The following BRF1 variants were observed in gnomAD, a reference collection of about 807,000 sequenced individuals.
BRF1 encodes transcription factor IIIB 90 kDa subunit.
A neutral mutation model predicts 81.7 loss-of-function variants in BRF1; 59 were observed. The ratio of observed to expected loss-of-function variants is 0.72; its 90% CI spans 0.59 to 0.90. The LOEUF is 0.90. Among genes scored for constraint, BRF1 ranks in the 40% least tolerant of loss-of-function variants. BRF1 has a pLI of 0.00. For synonymous variants in BRF1, 491 were observed against 395.6 expected (o/e 1.24, Z -2.86); for missense variants, 1,050 against 936.3 (o/e 1.12, Z -1.58).
At chr14:105,254,719 G>A (rs1566840564) in intron 4 of BRF1, among the ~76,000 whole-genome samples, 2 of 151,968 alleles carry the variant, frequency 1.3e-5, no homozygotes, top group Admixed American at 6.6e-5. Context: ...CCGCCACAAC[G>A]CTCAGCTAAT....
intron 1 of BRF1, among the ~76,000 whole-genome samples, chr14:105,312,755 A>G (rs1345409252): frequency 4.6e-5 from 7 of 152,226 alleles, no homozygotes; most frequent in Non-Finnish European, 7.3e-5. Context: ...GCACTTGGAA[A>G]ATACAGAAGA....
At chr14:105,288,169 G>C (rs1484749692) in intron 1 of BRF1, among the ~76,000 whole-genome samples, 1 of 152,226 alleles carries the variant, frequency 6.6e-6, no homozygotes, top group Non-Finnish European at 1.5e-5. Context: ...AGAAGCTGTA[G>C]AAGGTCCGGG....
In BRF1 at chr14:105,300,763, G is replaced by A; in HGVS notation, c.-134C>T. On this transcript the variant is annotated 5_prime_UTR_variant, in exon 1 of 18. Coordinates refer to ENST00000547530, the MANE Select transcript of BRF1 (RefSeq NM_001519.4). ...GCTCTCGCGAGGCCCCGCTCCAGCCGATTCGCAGCCGCAGATTCGCCGCGC... is the reference window on the plus strand; with the variant it reads ...GCTCTCGCGAGGCCCCGCTCCAGCCAATTCGCAGCCGCAGATTCGCCGCGC... The A allele has an allele frequency of 1.5e-6, 1 of 663,332 alleles. No individual in the cohort carries two copies. Among genetic ancestry groups the A allele is most frequent in the Middle Eastern group, 5.5e-4 (1 of 1,808 alleles). The allele number at this position is 663,332 out of a possible 1,614,324, so 41.1% of individuals were successfully genotyped here.
chr14:105,246,356 G>C (rs1407399204), intron 5 of BRF1, among the ~76,000 whole-genome samples: 1 of 151,974 alleles, frequency 6.6e-6, no homozygotes. Context: ...ACTACCTCAT[G>C]TCCATTAGGA....
At chr14:105,298,332 T>C (rs2057824671) in intron 1 of BRF1, among the ~76,000 whole-genome samples, 1 of 152,106 alleles carries the variant, frequency 6.6e-6, no homozygotes, top group African/African-American at 2.4e-5. Flanking sequence ...TTCAGGACAA[T>C]ATAACAGGTA....
Position 105,210,260 on chromosome 14 carries a change from G to T in BRF1, c.*291C>A. ...TAATAGTAGCAACACCACACTGCCA[G>T]CCTTGGAGGGTCCTTGGATGAGTCG... On this transcript the variant is annotated 3_prime_UTR_variant, in exon 18 of 18. Coordinates refer to ENST00000547530, the MANE Select transcript of BRF1 (RefSeq NM_001519.4). This position sits in a 1 kb window ranked among gnomAD's most constrained non-coding sequence, Gnocchi z 4.7. The T allele has an allele frequency of 6.4e-6, 3 of 465,904 alleles. No homozygotes were observed. The Admixed American group carries it at 1.1e-4, about 16-fold the overall frequency. The allele number at this position is 465,904 out of a possible 1,614,324, so 28.9% of individuals were successfully genotyped here.
rs146828004 is a variant in BRF1 at position 105,291,989 on chromosome 14, A to G, written c.185-5613T>C. Reference sequence around the variant, plus strand: ...CTCCAGCCTGGGCAACAAGAGAGACACTCCATCTCAAAAAGAAAAAAAAAG... The same window carrying G: ...CTCCAGCCTGGGCAACAAGAGAGACGCTCCATCTCAAAAAGAAAAAAAAAG... On this transcript the variant is annotated intron_variant, in intron 1 of 17. Coordinates refer to ENST00000547530, the MANE Select transcript of BRF1 (RefSeq NM_001519.4). 5.1e-3 allele frequency among the ~76,000 whole-genome samples: 775 copies of G among 151,534 alleles called. 10 individuals carry two copies. The highest frequency in any genetic ancestry group is 0.018 in the African/African-American group (731 of 41,318).
intron 5 of BRF1, chr14:105,241,645 C>T (rs1175123060): frequency 8.4e-6 from 5 of 597,380 alleles, no homozygotes; most frequent in African/African-American, 3.7e-5. Flanking sequence ...GCTGCAGACA[C>T]GCTAGGGCCA....
Position 105,219,246 on chromosome 14 carries a change from G to A in BRF1, c.1378-14C>T. 2 of 1,609,414 alleles carry A rather than the reference G, an allele frequency of 1.2e-6. No homozygotes were observed. Among genetic ancestry groups the A allele is most frequent in the Non-Finnish European group, 1.7e-6 (2 of 1,176,442 alleles). ...ATTCAGGATGTACTGGGCGAGCACA[G>A]GGAAGTGGGGCTGGCTTTTAGCCTT... On this transcript the variant is annotated splice_polypyrimidine_tract_variant and intron_variant, in intron 12 of 17. Coordinates refer to ENST00000547530, the MANE Select transcript of BRF1 (RefSeq NM_001519.4).
chr14:105,289,230 C>A (rs1739908936), intron 1 of BRF1, among the ~76,000 whole-genome samples: 1 of 152,082 alleles, frequency 6.6e-6, no homozygotes, highest in Non-Finnish European at 1.5e-5. Context: ...GTGGTCCCAG[C>A]TACTCAGGTG....
chr14:105,272,184 G>A (rs1212087427), intron 3 of BRF1, among the ~76,000 whole-genome samples: 6 of 135,236 alleles, frequency 4.4e-5, no homozygotes, highest in South Asian at 4.9e-4. Flanking sequence ...GCTGCACACC[G>A]CTGAGGGTCG....
chr14:105,252,482 C>T (rs953845623), intron 5 of BRF1, 25 bp downstream of exon 5: 3 of 1,611,892 alleles, frequency 1.9e-6, no homozygotes, highest in Non-Finnish European at 2.5e-6. Context: ...TGCCGGACAC[C>T]CCAGCATCTC....
intron 1 of BRF1, among the ~76,000 whole-genome samples, chr14:105,295,303 CAA>C (rs869251134): frequency 5.5e-5 from 2 of 36,578 alleles, no homozygotes; most frequent in African/African-American, 9.0e-5. Flanking sequence ...CACATCTCTA[CAA>C]AAAAAAAAAA....
intron 8 of BRF1, 31 bp downstream of exon 8, chr14:105,226,603 C>A (rs115754778): frequency 6.2e-7 from 1 of 1,612,176 alleles, no homozygotes; most frequent in Non-Finnish European, 8.5e-7. Context: ...CTGGCAAGCC[C>A]AGCACAGACA....
intron 5 of BRF1, chr14:105,241,626 A>T (rs587631517): frequency 9.4e-6 from 6 of 641,280 alleles, no homozygotes; most frequent in African/African-American, 9.1e-5. Flanking sequence ...ACCTGCTGCC[A>T]GCCAGCCTGC....
rs1182475431 is a variant in BRF1 at position 105,261,540 on chromosome 14, G to A, written c.440-4991C>T. On this transcript the variant is annotated intron_variant, in intron 3 of 17. Transcript: ENST00000547530. ...GCTTGCAGGGAGAAAAACTGCAGAT[G>A]GGTCCTGACTCAGACACACTTTCCT... Among the ~76,000 whole-genome samples, 9 of 152,180 alleles carry A rather than the reference G, an allele frequency of 5.9e-5. No homozygotes were observed. The East Asian group carries it at 1.5e-3, about 26-fold the overall frequency.
chr14:105,241,231 C>G lies in BRF1; in HGVS notation c.694+34G>C, dbSNP rs372187613. On this transcript the variant is annotated intron_variant, in intron 6 of 17. Transcript: ENST00000547530. ...GGAAAGTGTGAGGCCAGGACCCAGA[C>G]CAGCATCCCCCAGGCAGGCAGGGCC... 11 of 1,604,658 alleles carry G rather than the reference C, an allele frequency of 6.9e-6. No homozygotes were observed. The African/African-American group carries it at 9.4e-5, about 14-fold the overall frequency.
chr14:105,308,347 T>C (rs1177677280), intron 1 of BRF1, among the ~76,000 whole-genome samples: 1 of 151,842 alleles, frequency 6.6e-6, no homozygotes, highest in Non-Finnish European at 1.5e-5. Flanking sequence ...CCAGGTGTGG[T>C]GGTACATGCC....
rs956278571 is a variant in BRF1 at position 105,279,662 on chromosome 14, G to A, written c.265+6634C>T. Among the ~76,000 whole-genome samples the A allele has an allele frequency of 4.6e-5, 7 of 152,138 alleles. No individual in the cohort carries two copies. In the East Asian group the frequency reaches 5.8e-4, roughly 13 times the overall value. ...AAACCCTGTGGCCCTATCTAATGAT[G>A]AGCACACCCAGACCTCAGGACCCAG... On this transcript the variant is annotated intron_variant, in intron 2 of 17. Transcript: ENST00000547530.
Sources: allele counts gnomAD v4.1 joint callset (sites outside exome capture counted in the v4.1 genomes callset), GRCh38; gene constraint gnomAD v4.1.1; non-coding constraint Gnocchi (gnomAD v3.1); transcripts MANE v1.5; gene names NCBI Gene and HGNC (gene_info 2026-07-23, HGNC 2026-07-21).